The following CDH12 variants were observed in gnomAD, a reference collection of about 807,000 sequenced individuals.
CDH12 encodes cadherin-12.
A neutral mutation model predicts 74.1 loss-of-function variants in CDH12; 41 were observed. The observed-to-expected ratio is 0.55, with a 90% CI of 0.43 to 0.72. The LOEUF is 0.72. Ranked by LOEUF, CDH12 falls within the 30% of genes least tolerant of loss-of-function variation. CDH12 has a pLI of 0.00. For synonymous variants in CDH12, 399 were observed against 355.0 expected, an observed-to-expected ratio of 1.12 and a Z score of -1.39; for missense variants, 945 against 977.2, an observed-to-expected ratio of 0.97 and a Z score of 0.44.
At chr5:22,545,307 G>A (rs971793107) in intron 1 of CDH12, among the ~76,000 whole-genome samples, 2 of 152,312 alleles carry the variant, frequency 1.3e-5, no homozygotes, top group African/African-American at 4.8e-5. Flanking sequence ...GAAGGCCACA[G>A]CAGCAATAGC....
intron 1 of CDH12, among the ~76,000 whole-genome samples, chr5:22,555,233 A>G (rs1738748432): frequency 6.6e-6 from 1 of 152,066 alleles, no homozygotes; most frequent in South Asian, 2.1e-4. Flanking sequence ...TATAAACAAA[A>G]AATTGTATTT....
At chr5:21,998,560 T>A (rs1736428709) in intron 5 of CDH12, among the ~76,000 whole-genome samples, 1 of 152,150 alleles carries the variant, frequency 6.6e-6, no homozygotes, top group Admixed American at 6.6e-5. Context: ...TACATTAAAA[T>A]TTTTAAAAAT....
chr5:22,131,082 T>C (rs1233791806), intron 4 of CDH12, among the ~76,000 whole-genome samples: 2 of 152,130 alleles, frequency 1.3e-5, no homozygotes, highest in Non-Finnish European at 1.5e-5. Context: ...ATCCATTTTA[T>C]CCATTATAAT....
intron 5 of CDH12, among the ~76,000 whole-genome samples, chr5:22,033,156 T>C (rs1738942128): frequency 6.6e-6 from 1 of 152,144 alleles, no homozygotes; most frequent in Admixed American, 6.6e-5. Flanking sequence ...ATGTATTTTG[T>C]TGCAAAATGC....
chr5:22,021,378 G>T (rs1364403142), intron 5 of CDH12, among the ~76,000 whole-genome samples: 1 of 152,176 alleles, frequency 6.6e-6, no homozygotes, highest in Non-Finnish European at 1.5e-5. Flanking sequence ...GGATCTATCA[G>T]AGGAAGAAAT....
At chr5:22,541,957 A>G (rs1421266162) in intron 1 of CDH12, among the ~76,000 whole-genome samples, 2 of 152,196 alleles carry the variant, frequency 1.3e-5, no homozygotes, top group African/African-American at 2.4e-5. Flanking sequence ...ATTCATGGAC[A>G]TGGCTTTCAT....
At chr5:22,709,554 G>A (rs1010630132) in intron 1 of CDH12, among the ~76,000 whole-genome samples, 8 of 152,064 alleles carry the variant, frequency 5.3e-5, no homozygotes, top group African/African-American at 1.7e-4. Flanking sequence ...ATTAGCAAAT[G>A]TATATTCTTC....
At chr5:22,577,073 G>A (rs1405187169) in intron 1 of CDH12, among the ~76,000 whole-genome samples, 1 of 152,138 alleles carries the variant, frequency 6.6e-6, no homozygotes, top group Non-Finnish European at 1.5e-5. Context: ...TTCTACCTGT[G>A]GTAACATTTA....
At chr5:21,785,623 A>T (rs1746156416) in intron 10 of CDH12, among the ~76,000 whole-genome samples, 1 of 152,224 alleles carries the variant, frequency 6.6e-6, no homozygotes, top group African/African-American at 2.4e-5. Flanking sequence ...CAGTCACAAC[A>T]TTCCTTTAAG....
chr5:22,429,838 G>A (rs1744093990), intron 2 of CDH12, among the ~76,000 whole-genome samples: 1 of 152,152 alleles, frequency 6.6e-6, no homozygotes. Context: ...GTGTGACACT[G>A]AAACAATTGG....
intron 2 of CDH12, among the ~76,000 whole-genome samples, chr5:22,497,824 G>A (rs886774922): frequency 6.6e-6 from 1 of 151,614 alleles, no homozygotes; most frequent in African/African-American, 2.4e-5. Context: ...TGTATTTTTA[G>A]TAGAGACGGG....
chr5:22,309,800 G>A (rs1363744936), intron 3 of CDH12, among the ~76,000 whole-genome samples: 1 of 152,132 alleles, frequency 6.6e-6, no homozygotes, highest in East Asian at 1.9e-4. Flanking sequence ...AAAGTACCTT[G>A]ATTGATAGTT....
At position 22,597,800 on chromosome 5, in the gene CDH12, C is replaced by T. The variant is rs1226880537; in HGVS notation, c.-522-92436G>A. 2.6e-5 allele frequency among the ~76,000 whole-genome samples: 4 copies of T among 152,208 alleles called. No individual in the cohort carries two copies. The East Asian group carries it at 7.7e-4, about 29-fold the overall frequency. The stretch of plus-strand genomic sequence containing the variant: ...AGTTATCTTTCATAATTAATGTGGA[C>T]TTCCATAATATTGTTCAAGTATTTT... On this transcript the variant is annotated intron_variant, in intron 1 of 14. Transcript: ENST00000382254.
chr5:22,170,399 T>A (rs1748950180), intron 4 of CDH12, among the ~76,000 whole-genome samples: 1 of 151,812 alleles, frequency 6.6e-6, no homozygotes, highest in Non-Finnish European at 1.5e-5. Flanking sequence ...TTAAGGCAAT[T>A]GTACTTCTTT....
intron 3 of CDH12, among the ~76,000 whole-genome samples, chr5:22,379,532 G>A (rs1741671742): frequency 6.6e-6 from 1 of 152,114 alleles, no homozygotes; most frequent in African/African-American, 2.4e-5. Context: ...TGTGAAATAA[G>A]AGAAAGATTA....
rs565222414 is a variant in CDH12, at chr5:22,360,104, G to T, written c.-333+45153C>A. 9.2e-5 allele frequency among the ~76,000 whole-genome samples: 14 copies of T among 152,120 alleles called. No homozygotes were observed. In the South Asian group the frequency reaches 2.9e-3, roughly 32 times the overall value. ...TCAGAGCAGAACTGAAGGAGATAGAGACACAAAAAAACCTTCAAAAAATCA... is the reference window on the plus strand; with the variant it reads ...TCAGAGCAGAACTGAAGGAGATAGATACACAAAAAAACCTTCAAAAAATCA... On this transcript the variant is annotated intron_variant, in intron 3 of 14. Coordinates refer to ENST00000382254, the MANE Select transcript of CDH12 (RefSeq NM_004061.5).
chr5:22,499,340 A>C (rs1425491641), intron 2 of CDH12, among the ~76,000 whole-genome samples: 1 of 152,204 alleles, frequency 6.6e-6, no homozygotes, highest in Non-Finnish European at 1.5e-5. Context: ...TTTTAGTTCA[A>C]AGATAAAATG....
intron 1 of CDH12, among the ~76,000 whole-genome samples, chr5:22,826,829 G>A (rs190208306): frequency 3.3e-5 from 5 of 152,200 alleles, no homozygotes; most frequent in Non-Finnish European, 5.9e-5. Flanking sequence ...TTTGGGAGCT[G>A]TTAAAGGCAT....
chr5:22,544,112 C>T (rs1738214337), intron 1 of CDH12, among the ~76,000 whole-genome samples: 1 of 151,990 alleles, frequency 6.6e-6, no homozygotes, highest in African/African-American at 2.4e-5. Context: ...TTCATCCAGC[C>T]AGGATTGGTG....
Sources: allele counts gnomAD v4.1 joint callset (sites outside exome capture counted in the v4.1 genomes callset), GRCh38; gene constraint gnomAD v4.1.1; transcripts MANE v1.5; gene names NCBI Gene and HGNC (gene_info 2026-07-23, HGNC 2026-07-21).